STK3: variants seen among roughly 807,000 people sequenced by gnomAD.
STK3 encodes the protein serine/threonine-protein kinase 3.
STK3 carries 41 observed loss-of-function variants against 58.0 expected under a neutral mutation model. That is an observed-to-expected ratio of 0.71 (90% CI 0.55 to 0.92). The LOEUF is 0.92. STK3 is among the 40% of genes least tolerant of loss of function. The pLI is 0.00. For missense variants in STK3, 479 were observed against 602.7 expected (o/e 0.79, Z 2.15); for synonymous variants, 170 against 191.0 (o/e 0.89, Z 0.91).
At chr8:98,651,302 T>A (rs1458359817) in intron 6 of STK3, among the ~76,000 whole-genome samples, 1 of 152,092 alleles carries the variant, frequency 6.6e-6, no homozygotes, top group African/African-American at 2.4e-5. Flanking sequence ...GAAGGAAAAC[T>A]AACAAACAGA....
At chr8:98,793,511 A>G (rs905865973) in intron 1 of STK3, among the ~76,000 whole-genome samples, 1 of 152,144 alleles carries the variant, frequency 6.6e-6, no homozygotes, top group African/African-American at 2.4e-5. Flanking sequence ...CTGGGCAATC[A>G]GAGTGAGACA....
chr8:98,407,130 C>A (rs192004733), intron 3 of STK3, among the ~76,000 whole-genome samples: 14 of 152,276 alleles, frequency 9.2e-5, no homozygotes, highest in Non-Finnish European at 1.3e-4. Context: ...AGTTATCCTG[C>A]CACAAATGAA....
chr8:98,819,890 T>G (rs1448067633), intron 1 of STK3, among the ~76,000 whole-genome samples: 2 of 152,218 alleles, frequency 1.3e-5, no homozygotes, highest in Admixed American at 1.3e-4. Flanking sequence ...TCTACTTAAC[T>G]GGTGTGTTGC....
At position 98,723,263 on chromosome 8, in the gene STK3, G is replaced by A. The variant is rs565514249; in HGVS notation, c.352-15952C>T. Among the ~76,000 whole-genome samples, 6 of 152,142 alleles carry A rather than the reference G, an allele frequency of 3.9e-5. No individual in the cohort carries two copies. The South Asian group carries it at 8.3e-4, about 21-fold the overall frequency. On this transcript the variant is annotated intron_variant, in intron 4 of 10. Transcript: ENST00000419617. The stretch of plus-strand genomic sequence containing the variant: ...AAGACATTTATAGCTGAGCTAATAC[G>A]TTAAAAGATGGAAGTCTACATCTGG...
intron 4 of STK3, among the ~76,000 whole-genome samples, chr8:98,741,011 A>G (rs1401776377): frequency 6.6e-6 from 1 of 152,220 alleles, no homozygotes; most frequent in African/African-American, 2.4e-5. Flanking sequence ...CCATTACATA[A>G]TGGTAGAGGG....
intron 4 of STK3, among the ~76,000 whole-genome samples, chr8:98,742,012 C>T (rs367765327): frequency 2.0e-5 from 3 of 151,816 alleles, no homozygotes; most frequent in African/African-American, 4.8e-5. Flanking sequence ...ACACATACAC[C>T]CTCCCAAGAC....
intron 1 of STK3, among the ~76,000 whole-genome samples, chr8:98,817,549 C>G (rs1834634626): frequency 6.6e-6 from 1 of 151,900 alleles, no homozygotes; most frequent in Admixed American, 6.6e-5. Flanking sequence ...TTAGGCCAAT[C>G]AGATTCACTT....
chr8:98,740,571 C>T (rs763219753), intron 4 of STK3, among the ~76,000 whole-genome samples: 52 of 152,134 alleles, frequency 3.4e-4, no homozygotes, highest in Non-Finnish European at 6.2e-4. Flanking sequence ...ACCAGGCGTG[C>T]CCTAAAAGAG....
At chr8:98,594,773 A>T (rs1427117485) in intron 7 of STK3, 1 of 152,190 alleles carries the variant, frequency 6.6e-6, no homozygotes, top group Non-Finnish European at 1.5e-5. Context: ...TAGTATTTGC[A>T]CATAACCCAA....
At chr8:98,760,598 T>C (rs1301987748) in intron 3 of STK3, among the ~76,000 whole-genome samples, 1 of 152,216 alleles carries the variant, frequency 6.6e-6, no homozygotes, top group Admixed American at 6.5e-5. Flanking sequence ...AGCCACATTC[T>C]ATGCCTTTCT....
intron 10 of STK3, among the ~76,000 whole-genome samples, chr8:98,506,595 C>A (rs1004003880): frequency 6.6e-6 from 1 of 152,028 alleles, no homozygotes; most frequent in African/African-American, 2.4e-5. Context: ...CCCATAATCC[C>A]AGCTACTTGG....
At chr8:98,433,486 T>C (rs1396112805) in intron 3 of STK3, among the ~76,000 whole-genome samples, 1 of 152,200 alleles carries the variant, frequency 6.6e-6, no homozygotes. Flanking sequence ...GGAAGGCCAC[T>C]GGGCTGACTT....
intron 10 of STK3, among the ~76,000 whole-genome samples, chr8:98,525,410 G>A (rs570254503): frequency 4.7e-5 from 7 of 147,424 alleles, no homozygotes; most frequent in African/African-American, 1.8e-4. Context: ...AACAGCAATC[G>A]TACCCTTAAA....
chr8:98,612,915 C>A (rs1817316077), intron 6 of STK3, among the ~76,000 whole-genome samples: 1 of 152,178 alleles, frequency 6.6e-6, no homozygotes, highest in South Asian at 2.1e-4. Context: ...GGACAGCCCC[C>A]CCTAGCAGTG....
chr8:98,872,590 T>G (rs953010077), intron 3 of STK3, among the ~76,000 whole-genome samples: 1 of 152,230 alleles, frequency 6.6e-6, no homozygotes. Flanking sequence ...GTCGAGGAAT[T>G]TATCCATTTC....
intron 6 of STK3, among the ~76,000 whole-genome samples, chr8:98,703,149 T>C (rs1419449044): frequency 2.0e-5 from 3 of 152,154 alleles, no homozygotes; most frequent in African/African-American, 7.2e-5. Context: ...AAATCAGTAA[T>C]TATAATATTG....
chr8:98,425,025 A>G (rs1346854010), intron 3 of STK3, among the ~76,000 whole-genome samples: 1 of 152,118 alleles, frequency 6.6e-6, no homozygotes, highest in African/African-American at 2.4e-5. Context: ...AGCCACCATC[A>G]CCCCGCCGAA....
the STK3 span, among the ~76,000 whole-genome samples, chr8:98,347,247 G>T: frequency 6.6e-6 from 1 of 151,898 alleles, no homozygotes; most frequent in African/African-American, 2.4e-5. Context: ...GGGCACGGTG[G>T]CTCACGCTTG....
chr8:98,634,529 T>C (rs1819494063), intron 6 of STK3, among the ~76,000 whole-genome samples: 1 of 151,642 alleles, frequency 6.6e-6, no homozygotes, highest in South Asian at 2.1e-4. Flanking sequence ...AGGCGGAAGA[T>C]TGGACAGAGG....
Sources: gnomAD v4.1 joint callset for allele counts (sites outside exome capture counted in the v4.1 genomes callset) on GRCh38, gnomAD v4.1.1 for gene constraint, MANE v1.5 for transcripts, NCBI Gene and HGNC (gene_info 2026-07-23, HGNC 2026-07-21) for gene names.